The following MEGF6 variants were observed in gnomAD, a reference collection of about 807,000 sequenced individuals.
MEGF6 encodes the protein multiple epidermal growth factor-like domains protein 6.
A neutral mutation model predicts 207.1 loss-of-function variants in MEGF6; 184 were observed. That is an observed-to-expected ratio of 0.89 (90% confidence interval 0.79 to 1.00). The LOEUF (loss-of-function observed/expected upper bound fraction) is 1.00. MEGF6 is among the 50% of genes least tolerant of loss of function. The pLI, the probability that MEGF6 is intolerant of heterozygous loss-of-function variation, is 0.00. For missense variants in MEGF6, 2,282 were observed against 2,202.9 expected (o/e 1.04, Z -0.72); for synonymous variants, 1,038 against 910.0 (o/e 1.14, Z -2.53).
chr1:3,561,814 C>T (rs1192893759), intron 4 of MEGF6, among the ~76,000 whole-genome samples: 1 of 152,250 alleles, frequency 6.6e-6, no homozygotes, highest in Non-Finnish European at 1.5e-5. Flanking sequence ...TCTGCTTACT[C>T]TGAAGTTACC....
chr1:3,623,691 G>T, the MEGF6 span: 2 of 152,290 alleles, frequency 1.3e-5, no homozygotes, highest in Non-Finnish European at 2.9e-5. Context: ...TGACTCCAGG[G>T]GTATTGGGTC....
chr1:3,502,315 C>G (rs1316931330), intron 17 of MEGF6, among the ~76,000 whole-genome samples: 3 of 152,078 alleles, frequency 2.0e-5, no homozygotes, highest in Admixed American at 1.3e-4. Context: ...CCCGGGAGCC[C>G]GAGGTAGGGC....
chr1:3,519,123 G>A (rs1275167655), intron 5 of MEGF6, among the ~76,000 whole-genome samples: 2 of 152,190 alleles, frequency 1.3e-5, no homozygotes, highest in African/African-American at 2.4e-5. Flanking sequence ...CCATGGACCA[G>A]GCTAAGCTGA....
chr1:3,497,288 G>T lies in MEGF6; in HGVS notation c.3426C>A (p.His1142Gln). The T allele has an allele frequency of 1.3e-6, 2 of 1,551,826 alleles. No individual in the cohort carries two copies. Among genetic ancestry groups the T allele is most frequent in the Non-Finnish European group, 1.7e-6 (2 of 1,151,698 alleles). The change falls in exon 27 of 37, where the codon CAC becomes CAA. Residue 1142 changes from histidine (H) to glutamine (Q), a missense_variant. Coordinates refer to ENST00000356575, the MANE Select transcript of MEGF6 (RefSeq NM_001409.4). ...CSCPPGAACH[H>Q]VTGACRCPPG... is the part of the protein sequence containing the mutation. ...GGGGACAGCGGCAGGCCCCAGTGAC[G>T]TGGTGGCAGGCAGCGCCAGGCGGGC... is the stretch of plus-strand genomic sequence containing the variant.
At chr1:3,509,780 T>C in intron 11 of MEGF6, 90 bp downstream of exon 11, 1 of 1,426,818 alleles carries the variant, frequency 7.0e-7, no homozygotes, top group South Asian at 1.5e-5. Flanking sequence ...CAGGTGGGGG[T>C]GGGGTGGGCC....
intron 21 of MEGF6, among the ~76,000 whole-genome samples, chr1:3,500,385 G>A (rs550916161): frequency 3.3e-5 from 5 of 152,398 alleles, no homozygotes; most frequent in African/African-American, 1.2e-4. Context: ...CTGCGAAGCA[G>A]AGCAGTGGGG....
At chr1:3,505,076 C>CA in intron 17 of MEGF6, 132 bp downstream of exon 17, 2 of 1,086,800 alleles carry the variant, frequency 1.8e-6, no homozygotes, top group Non-Finnish European at 2.6e-6. Flanking sequence ...GGTAGCAAGG[C>CA]ACCACCTGGG....
rs113732871 is a variant in MEGF6, at chr1:3,581,101, TG to T, written c.377-1173del. ...GGCTCAGAGACTTCATTACCTGGCCTGGACCACAGAGTGAGCCATGACCGGC... is the reference window on the plus strand; with the variant it reads ...GGCTCAGAGACTTCATTACCTGGCCTGACCACAGAGTGAGCCATGACCGGC... On this transcript the variant is annotated intron_variant, in intron 3 of 36. Coordinates refer to ENST00000356575, the MANE Select transcript of MEGF6 (RefSeq NM_001409.4). 1.1e-4 allele frequency among the ~76,000 whole-genome samples: 16 copies of T among 152,298 alleles called. No homozygotes were observed. In the South Asian group the frequency reaches 1.4e-3, roughly 14 times the overall value.
At position 3,494,734 on chromosome 1, in the gene MEGF6, G is replaced by C. The variant is rs748006642; in HGVS notation, c.3879C>G (p.Pro1293=). 27 of 1,580,296 alleles carry C rather than the reference G, an allele frequency of 1.7e-5. No individual in the cohort carries two copies. The highest frequency in any genetic ancestry group is 2.3e-5 in the Non-Finnish European group (27 of 1,162,870). The stretch of plus-strand genomic sequence containing the variant: ...CGCAGCCCACGCCAAACCGGTTCTG[G>C]GGGCAGCCTGGAGACAGAAGGCAGG... ...RAGVRCERGC[P]QNRFGVGCEH... The change falls in exon 31 of 37, where the codon CCC becomes CCG. Residue 1293 remains proline, a synonymous_variant. Coordinates refer to ENST00000356575, the MANE Select transcript of MEGF6 (RefSeq NM_001409.4).
intron 13 of MEGF6, 142 bp from the exon 14 acceptor site, chr1:3,508,065 G>T (rs1408479987): frequency 3.4e-6 from 3 of 870,494 alleles, no homozygotes; most frequent in African/African-American, 1.7e-5. Context: ...CCCTGCCCAT[G>T]CTCATGGCAG....
At chr1:3,530,138 G>A (rs1031413456) in intron 4 of MEGF6, among the ~76,000 whole-genome samples, 1 of 152,230 alleles carries the variant, frequency 6.6e-6, no homozygotes, top group Admixed American at 6.5e-5. Context: ...ACCTGGCCTT[G>A]GCTGAGCCGC....
At position 3,494,566 on chromosome 1, in the gene MEGF6, C is replaced by A. The variant is rs370863552; in HGVS notation, c.4000+47G>T. 27 of 1,561,164 alleles carry A rather than the reference C, an allele frequency of 1.7e-5. No homozygotes were observed. The South Asian group carries it at 2.6e-4, about 15-fold the overall frequency. On this transcript the variant is annotated intron_variant, in intron 31 of 36. Coordinates refer to ENST00000356575, the MANE Select transcript of MEGF6 (RefSeq NM_001409.4). The stretch of plus-strand genomic sequence containing the variant: ...TGCCCAGCCCTATGGCAGCCCAGGG[C>A]ACCTCCCTGAGGGGATGCTGGGGTC...
At position 3,560,775 on chromosome 1, in the gene MEGF6, T is replaced by C; in HGVS notation, c.481+19050A>G. ...CCCCACCCACTCTGGATTTCCAGGG[T>C]CACCCGGCAGTCCCCTCTGGCAGCC... On this transcript the variant is annotated intron_variant, in intron 4 of 36. Coordinates refer to ENST00000356575, the MANE Select transcript of MEGF6 (RefSeq NM_001409.4). The surrounding 1 kb of genome is among the most constrained non-coding windows in gnomAD (Gnocchi z 4.0). 2.1e-6 allele frequency: 1 copy of C among 473,328 alleles called. No individual in the cohort carries two copies. Among genetic ancestry groups the C allele is most frequent in the Non-Finnish European group, 4.4e-6 (1 of 228,464 alleles). 29.3% of individuals were successfully genotyped at this position (473,328 alleles called of 1,614,324 possible).
chr1:3,544,655 T>C (rs993184904), intron 4 of MEGF6, among the ~76,000 whole-genome samples: 5 of 152,126 alleles, frequency 3.3e-5, no homozygotes, highest in African/African-American at 1.2e-4. Flanking sequence ...CAGCAGGGTC[T>C]TGGGCCTCTC....
upstream of MEGF6, among the ~76,000 whole-genome samples, chr1:3,612,766 C>T (rs552721416): frequency 2.0e-4 from 30 of 152,166 alleles, no homozygotes; most frequent in Admixed American, 2.0e-3. Flanking sequence ...GGGAAGGGAG[C>T]ACCCCCTGAC....
chr1:3,613,364 G>A (rs1181380143), upstream of MEGF6, among the ~76,000 whole-genome samples: 1 of 152,202 alleles, frequency 6.6e-6, no homozygotes, highest in East Asian at 1.9e-4. Context: ...GGAGGTGCAA[G>A]CCCGTGAGTG....
At chr1:3,575,259 G>A (rs1643610600) in intron 4 of MEGF6, among the ~76,000 whole-genome samples, 3 of 152,190 alleles carry the variant, frequency 2.0e-5, no homozygotes, top group Admixed American at 1.3e-4. Flanking sequence ...GGCAGGAAGA[G>A]GCCAGGTTTT....
rs1570167123 is a variant in MEGF6, at chr1:3,573,592, C to T, written c.481+6233G>A. Among the ~76,000 whole-genome samples the T allele has an allele frequency of 6.6e-6, 1 of 152,298 alleles. No individual in the cohort carries two copies. Among genetic ancestry groups the T allele is most frequent in the African/African-American group, 2.4e-5 (1 of 41,554 alleles). On this transcript the variant is annotated intron_variant, in intron 4 of 36. Transcript: ENST00000356575. This position sits in a 1 kb window ranked among gnomAD's most constrained non-coding sequence, Gnocchi z 5.1. ...CCATGGCAGGGAGCAGGACCAGAGA[C>T]AGCCCCAGCTCCAGCTCCAGCCAGG...
chr1:3,525,854 C>A (rs1183871721), intron 4 of MEGF6, among the ~76,000 whole-genome samples: 2 of 152,228 alleles, frequency 1.3e-5, no homozygotes, highest in African/African-American at 2.4e-5. Flanking sequence ...ATGCCACCCT[C>A]CAGGCCCCCC....
Sources: gnomAD v4.1 joint callset for allele counts (sites outside exome capture counted in the v4.1 genomes callset) on GRCh38, gnomAD v4.1.1 for gene constraint, Gnocchi (gnomAD v3.1) non-coding constraint, MANE v1.5 for transcripts, NCBI Gene and HGNC (gene_info 2026-07-23, HGNC 2026-07-21) for gene names.